ABLIM3: variants seen among roughly 807,000 people sequenced by gnomAD.
The protein encoded by ABLIM3 is actin-binding LIM protein 3.
In ABLIM3, 61 loss-of-function variants were observed where a neutral mutation model predicts 109.5. The observed-to-expected ratio is 0.56, with a 90% CI of 0.45 to 0.69. The LOEUF (loss-of-function observed/expected upper bound fraction) is 0.69. ABLIM3 is among the 30% of genes least tolerant of loss of function. The pLI, the probability that ABLIM3 is intolerant of heterozygous loss-of-function variation, is 0.00. For synonymous variants in ABLIM3, 300 were observed against 324.8 expected, an observed-to-expected ratio of 0.92 and a Z score of 0.82; for missense variants, 796 against 889.5, an observed-to-expected ratio of 0.89 and a Z score of 1.34.
In ABLIM3 at chr5:149,198,473, T is replaced by C. The variant is rs1758189524; in HGVS notation, c.335+71T>C. 4 of 1,482,526 alleles carry C rather than the reference T, an allele frequency of 2.7e-6. No homozygotes were observed. Among genetic ancestry groups the C allele is most frequent in the South Asian group, 2.8e-5 (2 of 71,218 alleles). The allele number at this position is 1,482,526 out of a possible 1,614,324, so 91.8% of individuals were successfully genotyped here. A position where few individuals can be genotyped will look rare whatever the true frequency, so the allele number is the denominator to read the frequency against. On this transcript the variant is annotated intron_variant, in intron 4 of 23. Coordinates refer to ENST00000309868, the MANE Select transcript of ABLIM3 (RefSeq NM_014945.5). The surrounding 1 kb of genome is among the most constrained non-coding windows in gnomAD (Gnocchi z 4.2). Reference sequence around the variant, plus strand: ...CGGGGCAGGGGAAGACCTGGCTTTTTCCAGGAAGTTCTGGGGTTTACAAGG... The same window carrying C: ...CGGGGCAGGGGAAGACCTGGCTTTTCCCAGGAAGTTCTGGGGTTTACAAGG...
chr5:149,234,367 G>C (rs560620363), intron 10 of ABLIM3, among the ~76,000 whole-genome samples: 5 of 152,306 alleles, frequency 3.3e-5, no homozygotes, highest in African/African-American at 1.2e-4. Context: ...GACCAGAAAT[G>C]TGGGGAAAAT....
intron 2 of ABLIM3, among the ~76,000 whole-genome samples, chr5:149,157,861 A>G (rs1473955535): frequency 6.6e-6 from 1 of 152,160 alleles, no homozygotes; most frequent in African/African-American, 2.4e-5. Flanking sequence ...CAGTTGCAAG[A>G]ACCAACAAAC....
At position 149,240,667 on chromosome 5, in the gene ABLIM3, G is replaced by T. The variant is rs183649290; in HGVS notation, c.1205-9G>T. 8.7e-6 allele frequency: 14 copies of T among 1,612,188 alleles called. No individual in the cohort carries two copies. The highest frequency in any genetic ancestry group is 1.1e-5 in the Non-Finnish European group (13 of 1,178,700). On this transcript the variant is annotated splice_polypyrimidine_tract_variant and intron_variant, in intron 13 of 23. Transcript: ENST00000309868. ...GTTTTCTTTGGCGACCACTTCCTGC[G>T]TGCTCCAGGGCCCGAGAGTGGCCGG... is the stretch of plus-strand genomic sequence containing the variant.
chr5:149,210,024 G>C (rs910800465), intron 6 of ABLIM3, among the ~76,000 whole-genome samples: 1 of 152,240 alleles, frequency 6.6e-6, no homozygotes, highest in African/African-American at 2.4e-5. Context: ...GAGCGAGGCA[G>C]AGCCCGAAGC....
rs1044473799 is a variant in ABLIM3 at position 149,248,581 on chromosome 5, C to T, written c.1699+652C>T. Among the ~76,000 whole-genome samples, 4 of 150,672 alleles carry T rather than the reference C, an allele frequency of 2.7e-5. No homozygotes were observed. The Admixed American group carries it at 2.7e-4, about 10-fold the overall frequency. On this transcript the variant is annotated intron_variant, in intron 18 of 23. Coordinates refer to ENST00000309868, the MANE Select transcript of ABLIM3 (RefSeq NM_014945.5). ...TGGTGGGCACCTGTAGTCCCAACTA[C>T]TCGGGAGGCTGAGGCAGGAGAATGG...
intron 5 of ABLIM3, 46 bp downstream of exon 5, chr5:149,200,474 T>G: frequency 3.2e-6 from 5 of 1,582,012 alleles, no homozygotes; most frequent in Non-Finnish European, 4.3e-6. Context: ...GTGTGATCTC[T>G]CTGGGCTCCC....
intron 13 of ABLIM3, 148 bp downstream of exon 13, chr5:149,240,036 G>C: frequency 3.4e-6 from 4 of 1,159,618 alleles, no homozygotes; most frequent in Non-Finnish European, 4.6e-6. Flanking sequence ...CAGGTGACCA[G>C]CTGGGCCTCT....
intron 5 of ABLIM3, 146 bp from the exon 6 acceptor site, chr5:149,206,862 A>C: frequency 2.8e-6 from 3 of 1,053,692 alleles, no homozygotes; most frequent in Non-Finnish European, 3.9e-6. Flanking sequence ...CTCCCCTGGG[A>C]GAGCCTCTGG....
Position 149,259,087 on chromosome 5 carries a change from G to A in ABLIM3, c.*683G>A. 9.9e-7 allele frequency: 1 copy of A among 1,008,948 alleles called. No individual in the cohort carries two copies. Among genetic ancestry groups the A allele is most frequent in the Non-Finnish European group, 1.2e-6 (1 of 844,176 alleles). 62.5% of individuals were successfully genotyped at this position (1,008,948 alleles called of 1,614,324 possible). On this transcript the variant is annotated 3_prime_UTR_variant, in exon 24 of 24. Transcript: ENST00000309868. ...GGATTCCTGGTAGGAAAAGGAAAAG[G>A]CCCTTCCCTTCCCTCCACCACTTCC...
At chr5:149,141,748 C>T (rs1752476685) in intron 1 of ABLIM3, 94 bp downstream of exon 1, 2 of 313,124 alleles carry the variant, frequency 6.4e-6, no homozygotes, top group South Asian at 5.0e-5. Flanking sequence ...CTTTGGGCTC[C>T]GGAGCCGCTG....
rs761031678 is a variant in ABLIM3, at chr5:149,245,023, C to A, written c.1486+8C>A. 2 of 1,614,094 alleles carry A rather than the reference C, an allele frequency of 1.2e-6. No homozygotes were observed. Among genetic ancestry groups the A allele is most frequent in the Admixed American group, 1.7e-5 (1 of 60,016 alleles). ...ACCATGGGTCCCCCAAAGGTAGTAC[C>A]CCCATAGGAGCCTGGGTCCAGGGCC... On this transcript the variant is annotated splice_region_variant and intron_variant, in intron 16 of 23. Coordinates refer to ENST00000309868, the MANE Select transcript of ABLIM3 (RefSeq NM_014945.5).
At chr5:149,180,123 T>A (rs913300411) in intron 2 of ABLIM3, among the ~76,000 whole-genome samples, 1 of 152,226 alleles carries the variant, frequency 6.6e-6, no homozygotes, top group Non-Finnish European at 1.5e-5. Flanking sequence ...GTCTCAAATG[T>A]TGCTCTCAAG....
chr5:149,172,014 C>T (rs1188372814), intron 2 of ABLIM3, among the ~76,000 whole-genome samples: 2 of 146,844 alleles, frequency 1.4e-5, no homozygotes, highest in Non-Finnish European at 3.0e-5. Flanking sequence ...GACTGGGGGA[C>T]TGAATTTTTA....
chr5:149,193,554 A>C (rs565058318), intron 3 of ABLIM3, among the ~76,000 whole-genome samples: 19 of 152,328 alleles, frequency 1.2e-4, no homozygotes, highest in African/African-American at 3.6e-4. Flanking sequence ...GTTGAACTAT[A>C]TAGTCAAAAC....
At chr5:149,246,457 G>A (rs376123850) in intron 16 of ABLIM3, 25 bp from the exon 17 acceptor site, 20 of 1,613,472 alleles carry the variant, frequency 1.2e-5, no homozygotes, top group Non-Finnish European at 1.7e-5. Flanking sequence ...ACATGCCGGA[G>A]CTGATCTTTT....
chr5:149,208,938 G>A (rs1346478476), intron 6 of ABLIM3, among the ~76,000 whole-genome samples: 2 of 152,208 alleles, frequency 1.3e-5, no homozygotes, highest in Admixed American at 6.5e-5. Context: ...ATGCAAAGAA[G>A]AAGAGCTTCT....
rs1293992974 is a variant in ABLIM3 at position 149,258,917 on chromosome 5, T to C, written c.*513T>C. On this transcript the variant is annotated 3_prime_UTR_variant, in exon 24 of 24. Transcript: ENST00000309868. ...ACCCCCAATTAGGAGCTCAGTGCTC[T>C]CTTGGGGCAATGCAGTTAAAAGGGT... is the stretch of plus-strand genomic sequence containing the variant. 1 of 990,946 alleles carries C rather than the reference T, an allele frequency of 1.0e-6. No homozygotes were observed. Among genetic ancestry groups the C allele is most frequent in the Non-Finnish European group, 1.2e-6 (1 of 833,590 alleles). The allele number at this position is 990,946 out of a possible 1,614,324, so 61.4% of individuals were successfully genotyped here.
chr5:149,191,297 A>T (rs7722887), intron 3 of ABLIM3, among the ~76,000 whole-genome samples: 7,589 of 152,244 alleles, frequency 0.05, 576 homozygotes, highest in African/African-American at 0.17. Context: ...AATATTATAA[A>T]CAATTTGAGT....
chr5:149,240,725 G>T lies in ABLIM3; in HGVS notation c.1254G>T (p.Arg418Ser), dbSNP rs777732988. Reference protein sequence around the residue: ...SSPYHSQLDVRSSTPTSYQAP... With the variant: ...SSPYHSQLDVSSSTPTSYQAP... ...CATACCATAGCCAGTTAGATGTGAGGTCCTCCACTCCAACCTCTTACCAGG... is the reference window on the plus strand; with the variant it reads ...CATACCATAGCCAGTTAGATGTGAGTTCCTCCACTCCAACCTCTTACCAGG... The change falls in exon 14 of 24, where the codon AGG becomes AGT. Residue 418 changes from arginine to serine, a missense_variant. Transcript: ENST00000309868. 1 of 1,614,122 alleles carries T rather than the reference G, an allele frequency of 6.2e-7. No individual in the cohort carries two copies. The highest frequency in any genetic ancestry group is 1.1e-5 in the South Asian group (1 of 91,076).
Sources: gnomAD v4.1 joint callset for allele counts (sites outside exome capture counted in the v4.1 genomes callset) on GRCh38, gnomAD v4.1.1 for gene constraint, Gnocchi (gnomAD v3.1) non-coding constraint, MANE v1.5 for transcripts, NCBI Gene and HGNC (gene_info 2026-07-23, HGNC 2026-07-21) for gene names.